LDLRAD4: variants seen among roughly 807,000 people sequenced by gnomAD.
LDLRAD4 encodes low-density lipoprotein receptor class A domain-containing protein 4.
In LDLRAD4, 5 loss-of-function variants were observed where a neutral mutation model predicts 17.0. The ratio of observed to expected loss-of-function variants is 0.29; its 90% CI spans 0.15 to 0.62. LDLRAD4 has a LOEUF of 0.62. LDLRAD4 is among the 20% of genes least tolerant of loss of function. The probability of loss-of-function intolerance (pLI) is 0.84; values close to 1 mark genes in which losing one functional copy is unlikely to be tolerated. For missense variants in LDLRAD4, 340 were observed against 424.7 expected, an observed-to-expected ratio of 0.80 and a Z score of 1.75; for synonymous variants, 168 against 171.8, an observed-to-expected ratio of 0.98 and a Z score of 0.17.
chr18:13,410,174 C>G (rs2088195577), intron 2 of LDLRAD4, among the ~76,000 whole-genome samples: 1 of 152,094 alleles, frequency 6.6e-6, no homozygotes, highest in African/African-American at 2.4e-5. Flanking sequence ...TCCGACCTGA[C>G]ATGGCATGGG....
intron 1 of LDLRAD4, among the ~76,000 whole-genome samples, chr18:13,337,137 T>C (rs2082141240): frequency 6.6e-6 from 1 of 152,204 alleles, no homozygotes; most frequent in South Asian, 2.1e-4. Context: ...CCTACAAATG[T>C]AATCCATCTC....
intron 3 of LDLRAD4, among the ~76,000 whole-genome samples, chr18:13,559,499 G>A (rs1017551434): frequency 6.6e-6 from 1 of 152,126 alleles, no homozygotes; most frequent in Non-Finnish European, 1.5e-5. Context: ...TTCTAAGTAG[G>A]TGTGTGAATT....
intron 3 of LDLRAD4, among the ~76,000 whole-genome samples, chr18:13,483,176 A>T (rs1231439549): frequency 6.6e-6 from 1 of 152,162 alleles, no homozygotes; most frequent in African/African-American, 2.4e-5. Flanking sequence ...GACAGGTTTT[A>T]TCCCTGGTCT....
chr18:13,229,172 C>T (rs895907956), intron 1 of LDLRAD4, among the ~76,000 whole-genome samples: 15 of 152,222 alleles, frequency 9.9e-5, no homozygotes, highest in African/African-American at 3.6e-4. Flanking sequence ...GGGGTGACTG[C>T]ATCATCCGTG....
intron 3 of LDLRAD4, among the ~76,000 whole-genome samples, chr18:13,511,320 G>C (rs961630606): frequency 5.3e-5 from 8 of 152,084 alleles, no homozygotes; most frequent in African/African-American, 1.9e-4. Context: ...GGATCATGAG[G>C]TCAGGCGTTC....
At chr18:13,652,124 C>T (rs1410277168) in exon 6 of LDLRAD4, 5 of 151,220 alleles carry the variant, frequency 3.3e-5, no homozygotes, top group African/African-American at 4.8e-5. Flanking sequence ...AAAGCTCCCA[C>T]CCCCCAGGTT....
chr18:13,603,567 G>C (rs2095188469), intron 3 of LDLRAD4, among the ~76,000 whole-genome samples: 3 of 152,196 alleles, frequency 2.0e-5, no homozygotes, highest in Non-Finnish European at 4.4e-5. Context: ...ATAATAACTA[G>C]AATTCATCTC....
At chr18:13,313,821 T>C (rs1455776246) in intron 1 of LDLRAD4, among the ~76,000 whole-genome samples, 2 of 129,256 alleles carry the variant, frequency 1.5e-5, no homozygotes, top group Non-Finnish European at 3.2e-5. Context: ...AACAGCCGTG[T>C]GCGGGGGGGT....
chr18:13,338,691 C>A (rs1326196989), intron 1 of LDLRAD4, among the ~76,000 whole-genome samples: 1 of 152,210 alleles, frequency 6.6e-6, no homozygotes, highest in Admixed American at 6.5e-5. Flanking sequence ...AGGCTTACTT[C>A]TTGACACTTA....
At chr18:13,583,373 T>C (rs1301888156) in intron 3 of LDLRAD4, among the ~76,000 whole-genome samples, 1 of 152,154 alleles carries the variant, frequency 6.6e-6, no homozygotes, top group African/African-American at 2.4e-5. Flanking sequence ...GGCCTCCTGA[T>C]GGCCACGTGT....
chr18:13,599,486 ATTT>A (rs35131642), intron 3 of LDLRAD4, among the ~76,000 whole-genome samples: 8 of 81,740 alleles, frequency 9.8e-5, no homozygotes, highest in African/African-American at 4.9e-5. Context: ...TGAGTCTCCA[ATTT>A]TTTTTTTTTT....
chr18:13,625,396 A>C (rs1601788836), intron 4 of LDLRAD4, among the ~76,000 whole-genome samples: 1 of 152,190 alleles, frequency 6.6e-6, no homozygotes, highest in African/African-American at 2.4e-5. Flanking sequence ...TGAGCAGGCC[A>C]GCAGCCTTAC....
intron 3 of LDLRAD4, chr18:13,488,412 C>T (rs1235779929): frequency 6.6e-6 from 1 of 152,116 alleles, no homozygotes; most frequent in African/African-American, 2.4e-5. Flanking sequence ...ACTTCTGCAC[C>T]CTTCCAGGTG....
At chr18:13,473,267 C>T (rs1297782063) in intron 3 of LDLRAD4, among the ~76,000 whole-genome samples, 1 of 152,178 alleles carries the variant, frequency 6.6e-6, no homozygotes, top group Non-Finnish European at 1.5e-5. Flanking sequence ...GAGCACGTGG[C>T]CTGGATTCTT....
At chr18:13,643,251 C>T (rs2042759290) in intron 4 of LDLRAD4, 108 bp from the exon 6 acceptor site, 4 of 705,354 alleles carry the variant, frequency 5.7e-6, no homozygotes, top group South Asian at 2.0e-5. Context: ...ACGTTTTATG[C>T]AGATCCCCGT....
chr18:13,508,453 T>A (rs1310994011), intron 3 of LDLRAD4, among the ~76,000 whole-genome samples: 2 of 152,220 alleles, frequency 1.3e-5, no homozygotes, highest in East Asian at 3.8e-4. Context: ...GAGAGGTCAA[T>A]GCCTGGCCTC....
intron 1 of LDLRAD4, among the ~76,000 whole-genome samples, chr18:13,335,362 A>G (rs769512594): frequency 6.6e-6 from 1 of 152,136 alleles, no homozygotes; most frequent in Non-Finnish European, 1.5e-5. Context: ...CTTCATATGT[A>G]TATTACTTTT....
At chr18:13,400,907 G>A (rs962695752) in intron 2 of LDLRAD4, among the ~76,000 whole-genome samples, 1 of 152,200 alleles carries the variant, frequency 6.6e-6, no homozygotes, top group African/African-American at 2.4e-5. Flanking sequence ...TGAGTAAGGT[G>A]GAGGCAGACC....
intron 2 of LDLRAD4, among the ~76,000 whole-genome samples, chr18:13,428,301 AG>A (rs2090093662): frequency 6.6e-6 from 1 of 152,084 alleles, no homozygotes; most frequent in African/African-American, 2.4e-5. Flanking sequence ...GATGAAAGTG[AG>A]GGAGTTGGCT....
Sources: allele counts gnomAD v4.1 joint callset (sites outside exome capture counted in the v4.1 genomes callset), GRCh38; gene constraint gnomAD v4.1.1; transcripts MANE v1.5; gene names NCBI Gene and HGNC (gene_info 2026-07-23, HGNC 2026-07-21).